SCAF8: variants seen among roughly 807,000 people sequenced by gnomAD.
SCAF8 encodes the protein SR-related CTD associated factor 8, also known as SR-related and CTD-associated factor 8.
SCAF8 carries 23 observed loss-of-function variants against 140.5 expected under a neutral mutation model. That is an observed-to-expected ratio of 0.16 (90% confidence interval 0.12 to 0.23). SCAF8 has a LOEUF of 0.23. SCAF8 is among the 10% of genes least tolerant of loss of function. The pLI is 1.00. For synonymous variants in SCAF8, 575 were observed against 528.9 expected (o/e 1.09, Z -1.20); for missense variants, 1,397 against 1,555.7 (o/e 0.90, Z 1.72).
intron 1 of SCAF8, among the ~76,000 whole-genome samples, chr6:154,752,409 T>C (rs1484167363): frequency 6.6e-6 from 1 of 152,176 alleles, no homozygotes; most frequent in Non-Finnish European, 1.5e-5. Flanking sequence ...TTGGTTTGAA[T>C]ATTTAAAAAA....
intron 9 of SCAF8, among the ~76,000 whole-genome samples, chr6:154,807,136 A>C (rs1777941687): frequency 1.3e-5 from 2 of 152,340 alleles, no homozygotes; most frequent in African/African-American, 2.4e-5. Context: ...CTCTCTTAGC[A>C]GAATCAAGTA....
At chr6:154,805,996 C>T (rs917911453) in intron 9 of SCAF8, among the ~76,000 whole-genome samples, 4 of 152,042 alleles carry the variant, frequency 2.6e-5, no homozygotes, top group African/African-American at 9.7e-5. Context: ...AACCCTCAGG[C>T]GATGGGCATT....
chr6:154,831,028 C>T lies in SCAF8; in HGVS notation c.2247C>T (p.Ser749=), dbSNP rs753437462. The T allele has an allele frequency of 8.1e-6, 13 of 1,613,840 alleles. No homozygotes were observed. Among genetic ancestry groups the T allele is most frequent in the Middle Eastern group, 1.6e-4 (1 of 6,082 alleles). ...CTGTTGCCAGCAATCTTGCTACTTC[C>T]GCTCTGCCAGCTGGAAATGTTTTTA... The part of the protein sequence containing the change: ...GGSVASNLAT[S]ALPAGNVFNA... The change falls in exon 19 of 20, where the codon TCC becomes TCT. Residue 749 remains serine, a synonymous_variant. Coordinates refer to ENST00000367178, the MANE Select transcript of SCAF8 (RefSeq NM_014892.5).
In SCAF8 at chr6:154,751,854, T is replaced by G. The variant is rs186673434; in HGVS notation, c.30+17924T>G. ...GCATACTACTGTGCTGCTCCTCTCC[T>G]CCTCGTAGAACAGGATGCCACAGAA... On this transcript the variant is annotated intron_variant, in intron 1 of 19. Transcript: ENST00000367178. Among the ~76,000 whole-genome samples, 715 of 152,300 alleles carry G rather than the reference T, an allele frequency of 4.7e-3. 1 individual carries two copies. Among genetic ancestry groups the G allele is most frequent in the African/African-American group, 0.016 (683 of 41,552 alleles).
In SCAF8 at chr6:154,809,245, T is replaced by A. The variant is rs114610779; in HGVS notation, c.1226+447T>A. 9.7e-3 allele frequency among the ~76,000 whole-genome samples: 1,477 copies of A among 152,286 alleles called. 28 individuals are homozygous for A. Among genetic ancestry groups the A allele is most frequent in the African/African-American group, 0.034 (1,401 of 41,560 alleles). The stretch of plus-strand genomic sequence containing the variant: ...TTAGGAAACAGTTTTCTTTATGAGC[T>A]TAACTTAAAGACATCAGTCTTTAAC... On this transcript the variant is annotated intron_variant, in intron 11 of 19. Coordinates refer to ENST00000367178, the MANE Select transcript of SCAF8 (RefSeq NM_014892.5).
intron 14 of SCAF8, 29 bp downstream of exon 14, chr6:154,818,621 TA>T (rs756721782): frequency 7.9e-6 from 9 of 1,141,722 alleles, no homozygotes; most frequent in Non-Finnish European, 1.2e-5. Flanking sequence ...GAACTTGGGG[TA>T]GGGGGGCAGT....
chr6:154,740,040 T>C (rs984933472), intron 1 of SCAF8, among the ~76,000 whole-genome samples: 2 of 152,238 alleles, frequency 1.3e-5, no homozygotes, highest in Non-Finnish European at 2.9e-5. Context: ...TTTCCTTTCC[T>C]ATTATCATTT....
At chr6:154,793,228 A>G (rs909871976) in intron 5 of SCAF8, among the ~76,000 whole-genome samples, 18 of 152,284 alleles carry the variant, frequency 1.2e-4, no homozygotes, top group African/African-American at 2.4e-5. Flanking sequence ...TGGTGTGTCA[A>G]TTAGATTTTT....
intron 1 of SCAF8, among the ~76,000 whole-genome samples, chr6:154,743,821 T>TA (rs2114795996): frequency 6.6e-6 from 1 of 152,318 alleles, no homozygotes; most frequent in Non-Finnish European, 1.5e-5. Context: ...TCCTCTGGAG[T>TA]AAAAAAATTT....
chr6:154,742,311 A>G (rs1211659504), intron 1 of SCAF8, among the ~76,000 whole-genome samples: 2 of 152,018 alleles, frequency 1.3e-5, no homozygotes, highest in Non-Finnish European at 2.9e-5. Flanking sequence ...TACAAAAGAG[A>G]TAGAACTATT....
chr6:154,789,705 C>G (rs1167188429), intron 4 of SCAF8, among the ~76,000 whole-genome samples: 1 of 151,930 alleles, frequency 6.6e-6, no homozygotes, highest in South Asian at 2.1e-4. Context: ...GCCACCCTGC[C>G]CAGCTAATTT....
At position 154,789,787 on chromosome 6, in the gene SCAF8, C is replaced by T. The variant is rs557270931; in HGVS notation, c.321+1765C>T. Among the ~76,000 whole-genome samples, 349 of 152,192 alleles carry T rather than the reference C, an allele frequency of 2.3e-3. 2 individuals are homozygous for T. The highest frequency in any genetic ancestry group is 6.8e-3 in the Middle Eastern group (2 of 294). ...GTCTCGATCTCCTGACCTCGTGATC[C>T]GCCTGCCTTGGCCTCCCAAAGTGCT... On this transcript the variant is annotated intron_variant, in intron 4 of 19. Transcript: ENST00000367178.
chr6:154,797,331 C>G (rs1483351352), intron 6 of SCAF8, among the ~76,000 whole-genome samples: 1 of 151,310 alleles, frequency 6.6e-6, no homozygotes, highest in Non-Finnish European at 1.5e-5. Flanking sequence ...CTTTTGATCC[C>G]TTTGCTGCTT....
At chr6:154,759,664 ATTT>A (rs67700317) in intron 1 of SCAF8, among the ~76,000 whole-genome samples, 1 of 133,288 alleles carries the variant, frequency 7.5e-6, no homozygotes, top group Non-Finnish European at 1.6e-5. Context: ...TGTCATAATA[ATTT>A]TTTTTTTTTT....
intron 1 of SCAF8, chr6:154,741,894 T>G: frequency 8.6e-7 from 1 of 1,166,762 alleles, no homozygotes; most frequent in Non-Finnish European, 1.2e-6. Flanking sequence ...CCTGAACTTT[T>G]AAGTGAGCTC....
chr6:154,769,148 T>C (rs1204140622), intron 1 of SCAF8, among the ~76,000 whole-genome samples: 1 of 152,002 alleles, frequency 6.6e-6, no homozygotes, highest in East Asian at 1.9e-4. Context: ...CTGTATTAAG[T>C]GAGCATTTGA....
intron 4 of SCAF8, among the ~76,000 whole-genome samples, chr6:154,790,504 T>TC (rs1777384282): frequency 4.0e-5 from 3 of 75,658 alleles, no homozygotes; most frequent in African/African-American, 2.1e-4. Flanking sequence ...TTTTTTTTTT[T>TC]TTTTTTTTTT....
chr6:154,772,611 C>A lies in SCAF8; in HGVS notation c.31-1378C>A, dbSNP rs547990359. Among the ~76,000 whole-genome samples, 7 of 152,162 alleles carry A rather than the reference C, an allele frequency of 4.6e-5. No homozygotes were observed. The East Asian group carries it at 1.2e-3, about 25-fold the overall frequency. Reference sequence around the variant, plus strand: ...GGCTGAGGTGGGAGTATCGTTTGAACCCAGGAGGTAGAGGCTGCAGTGAGC... The same window carrying A: ...GGCTGAGGTGGGAGTATCGTTTGAAACCAGGAGGTAGAGGCTGCAGTGAGC... On this transcript the variant is annotated intron_variant, in intron 1 of 19. Coordinates refer to ENST00000367178, the MANE Select transcript of SCAF8 (RefSeq NM_014892.5).
intron 2 of SCAF8, among the ~76,000 whole-genome samples, chr6:154,777,721 A>G (rs912852086): frequency 4.6e-5 from 7 of 152,226 alleles, no homozygotes; most frequent in African/African-American, 1.7e-4. Context: ...TTGTTAAAGT[A>G]TGCTTTCAGA....
Sources: gnomAD v4.1 joint callset for allele counts (sites outside exome capture counted in the v4.1 genomes callset) on GRCh38, gnomAD v4.1.1 for gene constraint, MANE v1.5 for transcripts, NCBI Gene and HGNC (gene_info 2026-07-23, HGNC 2026-07-21) for gene names.